Variants in PLEKHM2 observed in about 807,000 individuals in gnomAD.
The protein encoded by PLEKHM2 is pleckstrin homology domain-containing family M member 2.
PLEKHM2 carries 77 observed loss-of-function variants against 116.3 expected under a neutral mutation model. That is an observed-to-expected ratio of 0.66 (90% CI 0.55 to 0.80). The LOEUF (loss-of-function observed/expected upper bound fraction) is 0.80, where lower values mean the gene tolerates loss of function less well. Among genes scored for constraint, PLEKHM2 ranks in the 30% least tolerant of loss-of-function variants. The probability of loss-of-function intolerance (pLI) is 0.00; values close to 1 mark genes in which losing one functional copy is unlikely to be tolerated. For missense variants in PLEKHM2, 1,183 were observed against 1,354.9 expected (o/e 0.87, Z 1.99); for synonymous variants, 562 against 571.0 (o/e 0.98, Z 0.22).
chr1:15,700,479 G>A lies in PLEKHM2; in HGVS notation c.61-15758G>A, dbSNP rs79538229. Among the ~76,000 whole-genome samples, 1,052 of 152,158 alleles carry A rather than the reference G, an allele frequency of 6.9e-3. 28 individuals carry two copies. Among genetic ancestry groups the A allele is most frequent in the East Asian group, 0.064 (332 of 5,170 alleles). The stretch of plus-strand genomic sequence containing the variant: ...AAGTGCCCCTGTCTCCCTGGGCTCC[G>A]GTCTCCCTGCCTATAAAATGAGGGT... On this transcript the variant is annotated intron_variant, in intron 1 of 19. Transcript: ENST00000375799.
chr1:15,718,302 C>T (rs995298577), intron 4 of PLEKHM2, among the ~76,000 whole-genome samples: 5 of 152,230 alleles, frequency 3.3e-5, no homozygotes, highest in African/African-American at 1.2e-4. Context: ...CTGCTGAGAG[C>T]CTGACAAGCC....
intron 1 of PLEKHM2, among the ~76,000 whole-genome samples, chr1:15,709,864 G>A (rs1641296125): frequency 6.6e-6 from 1 of 152,142 alleles, no homozygotes; most frequent in Non-Finnish European, 1.5e-5. Context: ...AAGACTCCAT[G>A]TTCCTGGATA....
Position 15,728,770 on chromosome 1 carries a change from G to A in PLEKHM2, c.1986+37G>A. On this transcript the variant is annotated intron_variant, in intron 12 of 19. Coordinates refer to ENST00000375799, the MANE Select transcript of PLEKHM2 (RefSeq NM_015164.4). The surrounding 1 kb of genome is among the most constrained non-coding windows in gnomAD (Gnocchi z 5.9). The stretch of plus-strand genomic sequence containing the variant: ...CCCCGCAGTTGTGCGCCTGCTGTAG[G>A]TACAGGGCTTCTCAAGCCACTTACC... 1.9e-6 allele frequency: 3 copies of A among 1,559,472 alleles called. No homozygotes were observed. The highest frequency in any genetic ancestry group is 2.3e-5 in the South Asian group (2 of 86,782).
chr1:15,697,129 C>A (rs944168132), intron 1 of PLEKHM2, among the ~76,000 whole-genome samples: 1 of 152,160 alleles, frequency 6.6e-6, no homozygotes, highest in Non-Finnish European at 1.5e-5. Flanking sequence ...CTTTGAAAGC[C>A]TGGTTAAAAT....
At position 15,728,968 on chromosome 1, in the gene PLEKHM2, C is replaced by A; in HGVS notation, c.1987-134C>A. The A allele has an allele frequency of 2.3e-6, 2 of 859,486 alleles. No individual in the cohort carries two copies. The highest frequency in any genetic ancestry group is 1.9e-6 in the Non-Finnish European group (1 of 534,598). The allele number at this position is 859,486 out of a possible 1,614,324, so 53.2% of individuals were successfully genotyped here. A position where few individuals can be genotyped will look rare whatever the true frequency, so the allele number is the denominator to read the frequency against. Reference sequence around the variant, plus strand: ...CTCCCTCACTCATGCCAGCCCCTGGCCTCTGGGGCTTTACTTGGTGGTGGC... The same window carrying A: ...CTCCCTCACTCATGCCAGCCCCTGGACTCTGGGGCTTTACTTGGTGGTGGC... On this transcript the variant is annotated intron_variant, in intron 12 of 19. Transcript: ENST00000375799. The surrounding 1 kb of genome is among the most constrained non-coding windows in gnomAD (Gnocchi z 5.9).
At chr1:15,720,288 G>A in intron 6 of PLEKHM2, 2 of 970,012 alleles carry the variant, frequency 2.1e-6, no homozygotes, top group Non-Finnish European at 2.5e-6. Flanking sequence ...GTTCTGGGGA[G>A]CTTGTCTGAC....
chr1:15,718,916 C>T (rs1641503412), intron 5 of PLEKHM2, among the ~76,000 whole-genome samples: 1 of 152,156 alleles, frequency 6.6e-6, no homozygotes, highest in Non-Finnish European at 1.5e-5. Flanking sequence ...AAGAACTGGC[C>T]TTCATGTTTA....
rs779117492 is a variant in PLEKHM2 at position 15,731,993 on chromosome 1, G to C, written c.2570G>C (p.Ser857Thr). Residue 857 changes from serine (S) to threonine (T), a missense_variant, in exon 17 of 20, where the codon AGC (serine) becomes ACC (threonine). Transcript: ENST00000375799. ...CCCTGCCTGGAGCTAAGTGCCGAGAGCGAGGCCGAGATGGCCGAGTGGATG... is the reference window on the plus strand; with the variant it reads ...CCCTGCCTGGAGCTAAGTGCCGAGACCGAGGCCGAGATGGCCGAGTGGATG... ...DRPCLELSAE[S>T]EAEMAEWMQH... The C allele has an allele frequency of 1.2e-6, 2 of 1,612,472 alleles. No individual in the cohort carries two copies. The highest frequency in any genetic ancestry group is 1.7e-6 in the Non-Finnish European group (2 of 1,179,690).
chr1:15,683,699 T>A (rs1571009172), upstream of PLEKHM2, among the ~76,000 whole-genome samples: 1 of 123,280 alleles, frequency 8.1e-6, no homozygotes, highest in Non-Finnish European at 1.7e-5. Flanking sequence ...CCAGGGTCTG[T>A]GGGGGTCCCC....
intron 1 of PLEKHM2, among the ~76,000 whole-genome samples, chr1:15,713,333 T>C (rs532910516): frequency 2.9e-4 from 44 of 152,284 alleles, no homozygotes; most frequent in Admixed American, 1.6e-3. Context: ...GTTGGGGGGA[T>C]ACGTGCACAC....
chr1:15,699,890 G>A (rs1641075373), intron 1 of PLEKHM2, among the ~76,000 whole-genome samples: 1 of 151,962 alleles, frequency 6.6e-6, no homozygotes, highest in African/African-American at 2.4e-5. Flanking sequence ...TGAGGTGGAA[G>A]GATTGCTTGA....
In PLEKHM2 at chr1:15,719,450, CA is replaced by C. The variant is rs35882831; in HGVS notation, c.466-273del. ...AGGGCAACAGAGTGAGACTCTGTCTCAAAAAAAAAAATAAATAAATAGAGAG... is the reference window on the plus strand; with the variant it reads ...AGGGCAACAGAGTGAGACTCTGTCTCAAAAAAAAAATAAATAAATAGAGAG... On this transcript the variant is annotated intron_variant, in intron 5 of 19. Coordinates refer to ENST00000375799, the MANE Select transcript of PLEKHM2 (RefSeq NM_015164.4). This position sits in a 1 kb window ranked among gnomAD's most constrained non-coding sequence, Gnocchi z 4.1. 0.012 allele frequency among the ~76,000 whole-genome samples: 1,708 copies of C among 146,950 alleles called. 31 individuals carry two copies. The highest frequency in any genetic ancestry group is 0.034 in the African/African-American group (1,389 of 40,744).
intron 7 of PLEKHM2, 70 bp from the exon 8 acceptor site, chr1:15,725,247 C>T (rs1019641575): frequency 1.1e-5 from 12 of 1,138,682 alleles, no homozygotes; most frequent in South Asian, 8.1e-5. Flanking sequence ...CCTGGGCTAA[C>T]GCATGCTCTG....
rs748669614 is a variant in PLEKHM2, at chr1:15,703,530, G to C, written c.61-12707G>C. On this transcript the variant is annotated intron_variant, in intron 1 of 19. Coordinates refer to ENST00000375799, the MANE Select transcript of PLEKHM2 (RefSeq NM_015164.4). ...AGGGAGAAAGGAAGGACGTCACTTG[G>C]AACTGTCTTATGTTCATTTGGCTGT... Among the ~76,000 whole-genome samples the C allele has an allele frequency of 1.8e-4, 28 of 152,298 alleles. No individual in the cohort carries two copies. The South Asian group carries it at 2.5e-3, about 14-fold the overall frequency.
At chr1:15,708,126 C>G (rs532469667) in intron 1 of PLEKHM2, among the ~76,000 whole-genome samples, 4 of 152,074 alleles carry the variant, frequency 2.6e-5, no homozygotes, top group African/African-American at 9.6e-5. Context: ...CTCAAGTGAT[C>G]CACCTGCCTC....
intron 2 of PLEKHM2, 56 bp downstream of exon 2, chr1:15,716,399 C>T (rs1641447703): frequency 9.4e-7 from 1 of 1,067,152 alleles, no homozygotes; most frequent in East Asian, 2.6e-5. Context: ...CATGAGTAGC[C>T]TCCACAGAGA....
chr1:15,724,476 C>G (rs1225693139), intron 7 of PLEKHM2, among the ~76,000 whole-genome samples: 1 of 149,836 alleles, frequency 6.7e-6, no homozygotes, highest in South Asian at 2.1e-4. Flanking sequence ...AGAGAGACTC[C>G]GTCTCAAAAA....
chr1:15,705,341 C>G (rs1034926513), intron 1 of PLEKHM2, among the ~76,000 whole-genome samples: 2 of 151,776 alleles, frequency 1.3e-5, no homozygotes, highest in African/African-American at 4.8e-5. Context: ...GCCATCATGT[C>G]CGACTAATTT....
chr1:15,684,711 T>G (rs1640729212), intron 1 of PLEKHM2, 93 bp downstream of exon 1: 21 of 369,496 alleles, frequency 5.7e-5, no homozygotes, highest in African/African-American at 1.8e-4. Flanking sequence ...CCCCCCGCCC[T>G]TCCCCTCCGC....
Sources: allele counts gnomAD v4.1 joint callset (sites outside exome capture counted in the v4.1 genomes callset), GRCh38; gene constraint gnomAD v4.1.1; non-coding constraint Gnocchi (gnomAD v3.1); transcripts MANE v1.5; gene names NCBI Gene and HGNC (gene_info 2026-07-23, HGNC 2026-07-21).